The following SMAD3 variants were observed in gnomAD, a reference collection of about 807,000 sequenced individuals.
The protein encoded by SMAD3 is MAD homolog 3.
A neutral mutation model predicts 51.8 loss-of-function variants in SMAD3; 12 were observed. The ratio of observed to expected loss-of-function variants is 0.23; its 90% confidence interval spans 0.15 to 0.38. The LOEUF is 0.38. SMAD3 is among the 10% of genes least tolerant of loss of function. The pLI is 1.00. For missense variants in SMAD3, 294 were observed against 565.6 expected (o/e 0.52, Z 4.87); for synonymous variants, 238 against 227.7 (o/e 1.05, Z -0.41).
chr15:67,084,707 G>C (rs1214366619), intron 1 of SMAD3, among the ~76,000 whole-genome samples: 2 of 152,106 alleles, frequency 1.3e-5, no homozygotes, highest in Admixed American at 1.3e-4. Context: ...CCTGAGAACC[G>C]ACTCCCAGGG....
At chr15:67,103,071 G>A (rs1960796544) in intron 1 of SMAD3, among the ~76,000 whole-genome samples, 1 of 152,048 alleles carries the variant, frequency 6.6e-6, no homozygotes, top group African/African-American at 2.4e-5. Context: ...ATTTTTGAAT[G>A]CATTAATTTG....
chr15:67,099,920 G>A (rs141294233), intron 1 of SMAD3, among the ~76,000 whole-genome samples: 1,534 of 152,260 alleles, frequency 0.01, 24 homozygotes, highest in African/African-American at 0.032. Flanking sequence ...AGTGGCTTGC[G>A]CCTGTAATCC....
intron 1 of SMAD3, among the ~76,000 whole-genome samples, chr15:67,066,672 CGGGG>C (rs919318350): frequency 4.1e-4 from 62 of 152,324 alleles, no homozygotes; most frequent in African/African-American, 1.5e-3. Flanking sequence ...GCCCCCACTC[CGGGG>C]AGCTGGGGCT....
chr15:67,166,954 A>C (rs556001958), intron 4 of SMAD3, 101 bp downstream of exon 4: 10 of 921,506 alleles, frequency 1.1e-5, no homozygotes, highest in African/African-American at 3.3e-5. Context: ...CCTCCCTTCT[A>C]TCTCTCTCTC....
chr15:67,065,857 G>A lies in SMAD3; in HGVS notation c.-298G>A, dbSNP rs1006989912. On this transcript the variant is annotated 5_prime_UTR_variant, in exon 1 of 9. Transcript: ENST00000327367. ...AACTTCTGCTGCCACTTGGAGTCTC[G>A]CGGCCGCCGCCTCCGCCCCGCGTTC... 209 of 217,094 alleles carry A rather than the reference G, an allele frequency of 9.6e-4. No homozygotes were observed. Among genetic ancestry groups the A allele is most frequent in the African/African-American group, 4.5e-3 (199 of 44,338 alleles). 13.4% of individuals were successfully genotyped at this position (217,094 alleles called of 1,614,324 possible).
At chr15:67,120,847 T>C (rs1302868451) in intron 1 of SMAD3, among the ~76,000 whole-genome samples, 1 of 152,102 alleles carries the variant, frequency 6.6e-6, no homozygotes, top group Non-Finnish European at 1.5e-5. Context: ...TCTGAAAACA[T>C]TGTAAGATTT....
chr15:67,116,061 G>A (rs376305297), intron 1 of SMAD3, among the ~76,000 whole-genome samples: 7 of 152,346 alleles, frequency 4.6e-5, no homozygotes, highest in Middle Eastern at 3.4e-3. Flanking sequence ...AAATCCACCC[G>A]AAGGACTTTT....
chr15:67,098,549 G>T, intron 1 of SMAD3: 1 of 346,606 alleles, frequency 2.9e-6, no homozygotes. Flanking sequence ...CCTCAGCCCC[G>T]GTAGCCTGTC....
intron 1 of SMAD3, chr15:67,098,539 C>G: frequency 2.9e-6 from 1 of 339,116 alleles, no homozygotes; most frequent in Non-Finnish European, 5.6e-6. Context: ...GCCCCTGCCT[C>G]CTCAGCCCCG....
At chr15:67,144,503 A>T (rs1035849034) in intron 1 of SMAD3, among the ~76,000 whole-genome samples, 7 of 152,204 alleles carry the variant, frequency 4.6e-5, no homozygotes, top group African/African-American at 1.4e-4. Flanking sequence ...AAATCCACGT[A>T]ATTAATGATT....
intron 1 of SMAD3, among the ~76,000 whole-genome samples, chr15:67,088,122 A>G (rs1034003382): frequency 6.6e-6 from 1 of 152,218 alleles, no homozygotes; most frequent in Non-Finnish European, 1.5e-5. Context: ...TCTCACCTTT[A>G]TCGCAGGAGG....
At chr15:67,162,908 G>A (rs545283837) in intron 1 of SMAD3, among the ~76,000 whole-genome samples, 12 of 151,792 alleles carry the variant, frequency 7.9e-5, no homozygotes, top group Admixed American at 3.3e-4. Flanking sequence ...TGTTATTTTC[G>A]TTCAGGACAC....
intron 1 of SMAD3, among the ~76,000 whole-genome samples, chr15:67,143,891 T>A (rs989883365): frequency 1.3e-5 from 2 of 151,182 alleles, no homozygotes; most frequent in Admixed American, 1.3e-4. Context: ...TGCCTCAGCC[T>A]CCTGAGTAGC....
At chr15:67,110,154 G>A (rs931420632) in intron 1 of SMAD3, among the ~76,000 whole-genome samples, 3 of 152,214 alleles carry the variant, frequency 2.0e-5, no homozygotes, top group Admixed American at 1.3e-4. Context: ...GTGCTTGAGT[G>A]TCTAAGACCC....
Position 67,065,969 on chromosome 15 carries a change from C to T in SMAD3, c.-186C>T, listed in dbSNP as rs1268331904. On this transcript the variant is annotated 5_prime_UTR_variant, in exon 1 of 9. Coordinates refer to ENST00000327367, the MANE Select transcript of SMAD3 (RefSeq NM_005902.4). ...GGGAGCCGCTCCGGGCGCAGGGCCG[C>T]GCGCCGAGCCCCGCAGGCTGCAGCG... 9.3e-6 allele frequency: 2 copies of T among 214,108 alleles called. No individual in the cohort carries two copies. The highest frequency in any genetic ancestry group is 2.3e-5 in the African/African-American group (1 of 43,432). The allele number at this position is 214,108 out of a possible 1,614,324, so 13.3% of individuals were successfully genotyped here. A position where few individuals can be genotyped will look rare whatever the true frequency, so the allele number is the denominator to read the frequency against.
At chr15:67,184,885 C>A (rs909496243) in intron 7 of SMAD3, 21 bp downstream of exon 7, 1 of 1,612,254 alleles carries the variant, frequency 6.2e-7, no homozygotes, top group South Asian at 1.1e-5. Context: ...CGCACAGGCA[C>A]CCCTGCCTTG....
At chr15:67,084,070 C>CTTTTTTTTTTTTTTTTTTT (rs56675753) in intron 1 of SMAD3, among the ~76,000 whole-genome samples, 1 of 85,066 alleles carries the variant, frequency 1.2e-5, no homozygotes, top group African/African-American at 4.2e-5. Context: ...CTTTTTTTTT[C>CTTTTTTTTTTTTTTTTTTT]TTTTTTTTTT....
At chr15:67,112,917 G>C (rs1296954798) in intron 1 of SMAD3, among the ~76,000 whole-genome samples, 1 of 130,430 alleles carries the variant, frequency 7.7e-6, no homozygotes, top group Admixed American at 8.5e-5. Flanking sequence ...CCAGTGAATT[G>C]TCTTGGCACC....
At chr15:67,081,619 A>C (rs988741166) in intron 1 of SMAD3, among the ~76,000 whole-genome samples, 1 of 152,188 alleles carries the variant, frequency 6.6e-6, no homozygotes, top group Admixed American at 6.5e-5. Context: ...GGAGCCTTAC[A>C]TCTTTCCTCC....
Sources: allele counts gnomAD v4.1 joint callset (sites outside exome capture counted in the v4.1 genomes callset), GRCh38; gene constraint gnomAD v4.1.1; transcripts MANE v1.5; gene names NCBI Gene and HGNC (gene_info 2026-07-23, HGNC 2026-07-21).